Variants in KCNJ6 observed in about 807,000 individuals in gnomAD.
KCNJ6 encodes G protein-activated inward rectifier potassium channel 2.
Under a neutral mutation model 34.2 loss-of-function variants are expected in KCNJ6, and 9 were observed. The observed-to-expected ratio is 0.26, with a 90% CI of 0.16 to 0.46. The LOEUF (loss-of-function observed/expected upper bound fraction) is 0.46, where lower values mean the gene tolerates loss of function less well. Ranked by LOEUF, KCNJ6 falls within the 20% of genes least tolerant of loss-of-function variation. KCNJ6 has a pLI of 1.00. For missense variants in KCNJ6, 236 were observed against 531.3 expected (o/e 0.44, Z 5.46); for synonymous variants, 196 against 207.1 (o/e 0.95, Z 0.46).
intron 2 of KCNJ6, among the ~76,000 whole-genome samples, chr21:37,724,312 T>C (rs1165005476): frequency 6.6e-6 from 1 of 150,628 alleles, no homozygotes; most frequent in South Asian, 2.1e-4. Context: ...CAGGTCTCTG[T>C]TGCATATTAA....
At chr21:37,771,092 G>T (rs988348991) in intron 2 of KCNJ6, among the ~76,000 whole-genome samples, 1 of 152,176 alleles carries the variant, frequency 6.6e-6, no homozygotes, top group Non-Finnish European at 1.5e-5. Flanking sequence ...TTTATTTGGC[G>T]AGTAAGTGTG....
In KCNJ6 at chr21:37,607,482, A is replaced by ATATATAT; in HGVS notation, c.*17676_*17677insATATATA. ...CTTAAAGATATATATATATATATATATTTTTTTTTTATTTTAAAAAAATTT... is the reference window on the plus strand; with the variant it reads ...CTTAAAGATATATATATATATATATATATATATTTTTTTTTTTATTTTAAAAAAATTT... On this transcript the variant is annotated 3_prime_UTR_variant, in exon 4 of 4. Coordinates refer to ENST00000609713, the MANE Select transcript of KCNJ6 (RefSeq NM_002240.5). The ATATATAT allele has an allele frequency of 6.7e-4, 91 of 136,764 alleles. 1 individual carries two copies. The highest frequency in any genetic ancestry group is 2.3e-3 in the East Asian group (10 of 4,382). The allele number at this position is 136,764 out of a possible 1,614,324, so 8.5% of individuals were successfully genotyped here. A position where few individuals can be genotyped will look rare whatever the true frequency, so the allele number is the denominator to read the frequency against.
chr21:37,758,348 G>T (rs888745371), intron 2 of KCNJ6, among the ~76,000 whole-genome samples: 1 of 152,092 alleles, frequency 6.6e-6, no homozygotes, highest in Non-Finnish European at 1.5e-5. Flanking sequence ...CAGTTATTTT[G>T]GGAGAAGTTA....
At chr21:37,676,122 A>G (rs2054563651) in intron 3 of KCNJ6, among the ~76,000 whole-genome samples, 1 of 152,124 alleles carries the variant, frequency 6.6e-6, no homozygotes, top group Non-Finnish European at 1.5e-5. Context: ...GGAAAGGGAG[A>G]TGGGCAGGCC....
chr21:37,765,721 A>G (rs1209262878), intron 2 of KCNJ6, among the ~76,000 whole-genome samples: 1 of 152,350 alleles, frequency 6.6e-6, no homozygotes, highest in East Asian at 1.9e-4. Flanking sequence ...AAGCTATTAT[A>G]TGATTCATTA....
Position 37,797,777 on chromosome 21 carries a change from G to A in KCNJ6, c.25+42881C>T, listed in dbSNP as rs534123588. ...GGGGATTCTCCCTGCTCCATCCCAC[G>A]TTTGCACCTGGTTGAGGCAGGATAC... On this transcript the variant is annotated intron_variant, in intron 2 of 3. Transcript: ENST00000609713. Among the ~76,000 whole-genome samples, 225 of 152,162 alleles carry A rather than the reference G, an allele frequency of 1.5e-3. 2 individuals are homozygous for A. Among genetic ancestry groups the A allele is most frequent in the Non-Finnish European group, 2.4e-3 (163 of 68,030 alleles).
intron 2 of KCNJ6, among the ~76,000 whole-genome samples, chr21:37,736,439 C>T (rs1303705396): frequency 6.6e-6 from 1 of 152,172 alleles, no homozygotes; most frequent in African/African-American, 2.4e-5. Flanking sequence ...TTGTTGGCTG[C>T]ACAACATCAT....
Position 37,620,569 on chromosome 21 carries a change from G to T in KCNJ6, c.*4590C>A, listed in dbSNP as rs137863415. The T allele has an allele frequency of 1.3e-5, 2 of 150,614 alleles. No homozygotes were observed. The highest frequency in any genetic ancestry group is 3.9e-4 in the East Asian group (2 of 5,154). 9.3% of individuals were successfully genotyped at this position (150,614 alleles called of 1,614,324 possible). A position where few individuals can be genotyped will look rare whatever the true frequency, so the allele number is the denominator to read the frequency against. ...TTTTTTTTTTTAGCAGATTTGGTTT[G>T]CTGAAATTTTTTGTAGTAAAAATAG... On this transcript the variant is annotated 3_prime_UTR_variant, in exon 4 of 4. Coordinates refer to ENST00000609713, the MANE Select transcript of KCNJ6 (RefSeq NM_002240.5).
intron 2 of KCNJ6, among the ~76,000 whole-genome samples, chr21:37,764,424 G>A (rs1212403524): frequency 6.7e-6 from 1 of 149,840 alleles, no homozygotes; most frequent in African/African-American, 2.5e-5. Flanking sequence ...TGCTGCCCAG[G>A]CTGGAGTGCA....
chr21:37,635,047 T>C (rs1279548636), intron 3 of KCNJ6, among the ~76,000 whole-genome samples: 1 of 151,866 alleles, frequency 6.6e-6, no homozygotes, highest in Non-Finnish European at 1.5e-5. Flanking sequence ...TGAGCCACCA[T>C]GCACAGCCAA....
intron 2 of KCNJ6, among the ~76,000 whole-genome samples, chr21:37,821,459 C>A (rs2055372806): frequency 6.6e-6 from 1 of 152,116 alleles, no homozygotes; most frequent in African/African-American, 2.4e-5. Flanking sequence ...GTAAGCGTGT[C>A]ATGGTGGTTT....
chr21:37,768,218 T>C (rs1321002803), intron 2 of KCNJ6, among the ~76,000 whole-genome samples: 1 of 151,900 alleles, frequency 6.6e-6, no homozygotes, highest in Admixed American at 6.6e-5. Flanking sequence ...GGCCACTCCA[T>C]ACGGGTCACT....
intron 2 of KCNJ6, among the ~76,000 whole-genome samples, chr21:37,763,762 G>A (rs1420157269): frequency 6.6e-6 from 1 of 152,196 alleles, no homozygotes; most frequent in African/African-American, 2.4e-5. Flanking sequence ...GTGAGAACAT[G>A]CTGTGTTTGG....
intron 2 of KCNJ6, among the ~76,000 whole-genome samples, chr21:37,775,429 C>T (rs2055137461): frequency 6.6e-6 from 1 of 152,156 alleles, no homozygotes; most frequent in Admixed American, 6.5e-5. Flanking sequence ...CTTGCCCATG[C>T]CTATGTCCTG....
chr21:37,625,834 C>T (rs2054308401), intron 3 of KCNJ6, among the ~76,000 whole-genome samples: 1 of 152,244 alleles, frequency 6.6e-6, no homozygotes, highest in African/African-American at 2.4e-5. Flanking sequence ...ACCCTGAAGC[C>T]ATGACTCTGG....
At chr21:37,780,024 G>A (rs1042604180) in intron 2 of KCNJ6, among the ~76,000 whole-genome samples, 2 of 152,138 alleles carry the variant, frequency 1.3e-5, no homozygotes, top group Non-Finnish European at 2.9e-5. Flanking sequence ...TCCTTTGTTG[G>A]TCTGAGGTCA....
Position 37,612,453 on chromosome 21 carries a change from C to T in KCNJ6, c.*12706G>A, listed in dbSNP as rs551040227. On this transcript the variant is annotated 3_prime_UTR_variant, in exon 4 of 4. Transcript: ENST00000609713. The stretch of plus-strand genomic sequence containing the variant: ...CTTCCTCTGTAGATTAAATACAATC[C>T]CAATAAAAATCTCAGCAAGTTATTT... 6.6e-6 allele frequency: 1 copy of T among 152,122 alleles called. No homozygotes were observed. Among genetic ancestry groups the T allele is most frequent in the South Asian group, 2.1e-4 (1 of 4,810 alleles). 9.4% of individuals were successfully genotyped at this position (152,122 alleles called of 1,614,324 possible). A position where few individuals can be genotyped will look rare whatever the true frequency, so the allele number is the denominator to read the frequency against.
chr21:37,651,307 T>C (rs1010116262), intron 3 of KCNJ6, among the ~76,000 whole-genome samples: 4 of 152,194 alleles, frequency 2.6e-5, no homozygotes, highest in Admixed American at 6.5e-5. Flanking sequence ...GGGGCCCACA[T>C]GTAGGCCTGT....
chr21:37,880,294 A>C (rs1438830048), intron 1 of KCNJ6, among the ~76,000 whole-genome samples: 2 of 152,202 alleles, frequency 1.3e-5, no homozygotes, highest in Non-Finnish European at 2.9e-5. Flanking sequence ...TGTCCAGGAA[A>C]AAAGGAGTCA....
Sources: gnomAD v4.1 joint callset for allele counts (sites outside exome capture counted in the v4.1 genomes callset) on GRCh38, gnomAD v4.1.1 for gene constraint, MANE v1.5 for transcripts, NCBI Gene and HGNC (gene_info 2026-07-23, HGNC 2026-07-21) for gene names.